Variants in DUSP16 observed in about 807,000 individuals in gnomAD.
DUSP16 encodes the protein dual specificity phosphatase 16.
In DUSP16, 21 loss-of-function variants were observed where a neutral mutation model predicts 58.3. The ratio of observed to expected loss-of-function variants is 0.36; its 90% CI spans 0.26 to 0.52. The LOEUF is 0.52. Ranked by LOEUF, DUSP16 falls within the 20% of genes least tolerant of loss-of-function variation. DUSP16 has a pLI of 0.94. For synonymous variants in DUSP16, 320 were observed against 323.8 expected (o/e 0.99, Z 0.12); for missense variants, 726 against 819.0 (o/e 0.89, Z 1.39).
At chr12:12,481,400 G>C (rs574716471) in intron 5 of DUSP16, among the ~76,000 whole-genome samples, 2 of 152,216 alleles carry the variant, frequency 1.3e-5, no homozygotes, top group African/African-American at 4.8e-5. Flanking sequence ...ATAATTACAT[G>C]TGTGCTCAGT....
chr12:12,551,962 G>C (rs928275406), intron 1 of DUSP16, among the ~76,000 whole-genome samples: 2 of 152,128 alleles, frequency 1.3e-5, no homozygotes, highest in African/African-American at 4.8e-5. Flanking sequence ...AAAGTGCTGG[G>C]ATTACAGGCG....
At chr12:12,492,737 C>A (rs1421805662) in intron 4 of DUSP16, among the ~76,000 whole-genome samples, 1 of 152,044 alleles carries the variant, frequency 6.6e-6, no homozygotes, top group Admixed American at 6.6e-5. Flanking sequence ...AGGCTTTCAC[C>A]CCCAACACTC....
At chr12:12,542,619 C>A (rs1034306141) in intron 1 of DUSP16, among the ~76,000 whole-genome samples, 5 of 151,454 alleles carry the variant, frequency 3.3e-5, no homozygotes, top group Non-Finnish European at 4.4e-5. Flanking sequence ...ACGAATTTTA[C>A]GACTGAAATT....
chr12:12,482,887 A>G (rs2136192259), intron 5 of DUSP16, among the ~76,000 whole-genome samples: 1 of 152,094 alleles, frequency 6.6e-6, no homozygotes, highest in Middle Eastern at 3.4e-3. Context: ...ATTTTTGAAA[A>G]TTTTTTGTAG....
intron 3 of DUSP16, among the ~76,000 whole-genome samples, chr12:12,507,044 TG>T (rs1263178583): frequency 6.6e-6 from 1 of 152,110 alleles, no homozygotes; most frequent in Non-Finnish European, 1.5e-5. Flanking sequence ...CATTCCATTT[TG>T]GGGGGGAAAA....
intron 1 of DUSP16, among the ~76,000 whole-genome samples, chr12:12,537,370 T>C (rs1944482720): frequency 6.6e-6 from 1 of 152,178 alleles, no homozygotes; most frequent in Admixed American, 6.5e-5. Flanking sequence ...TGCTACAAGG[T>C]AAAAGACATT....
At chr12:12,484,235 GA>G (rs1469551977) in intron 5 of DUSP16, among the ~76,000 whole-genome samples, 1 of 152,144 alleles carries the variant, frequency 6.6e-6, no homozygotes, top group Non-Finnish European at 1.5e-5. Flanking sequence ...ACTTGGGTGG[GA>G]TAAGGATGAT....
rs1053124962 is a variant in DUSP16, at chr12:12,514,146, G to A, written c.367+5716C>T. Reference sequence around the variant, plus strand: ...ATACAATCCTCATAATAAGGCAAGCGTTATTATCTCTTTTTAGGAGCTGAA... The same window carrying A: ...ATACAATCCTCATAATAAGGCAAGCATTATTATCTCTTTTTAGGAGCTGAA... On this transcript the variant is annotated intron_variant, in intron 3 of 6. Transcript: ENST00000298573. Among the ~76,000 whole-genome samples the A allele has an allele frequency of 5.3e-5, 8 of 152,176 alleles. No individual in the cohort carries two copies. The East Asian group carries it at 7.7e-4, about 15-fold the overall frequency.
At chr12:12,531,943 G>C (rs981014426) in intron 1 of DUSP16, among the ~76,000 whole-genome samples, 2 of 152,010 alleles carry the variant, frequency 1.3e-5, no homozygotes, top group Non-Finnish European at 2.9e-5. Flanking sequence ...TGGATCATGA[G>C]GTCAGGAGAT....
intron 1 of DUSP16, among the ~76,000 whole-genome samples, chr12:12,559,948 G>C (rs753560006): frequency 4.6e-5 from 7 of 152,114 alleles, no homozygotes; most frequent in African/African-American, 1.7e-4. Context: ...CGGGGTAACA[G>C]TGTCTCCTCT....
intron 4 of DUSP16, among the ~76,000 whole-genome samples, chr12:12,497,351 G>T (rs1012346586): frequency 1.3e-5 from 2 of 152,270 alleles, no homozygotes; most frequent in Non-Finnish European, 1.5e-5. Context: ...ATAGACTTAA[G>T]ATTTCAGTCC....
chr12:12,520,806 A>G, intron 2 of DUSP16, 65 bp downstream of exon 2: 1 of 1,565,680 alleles, frequency 6.4e-7, no homozygotes, highest in Non-Finnish European at 8.7e-7. Flanking sequence ...AGGAGGCTTC[A>G]ATTAAAATTA....
At chr12:12,521,680 A>G (rs1350040129) in intron 1 of DUSP16, among the ~76,000 whole-genome samples, 1 of 152,246 alleles carries the variant, frequency 6.6e-6, no homozygotes, top group Non-Finnish European at 1.5e-5. Flanking sequence ...CAAAATGTAA[A>G]AACTCAAAGA....
chr12:12,479,809 G>A (rs1943528231), intron 6 of DUSP16, among the ~76,000 whole-genome samples: 1 of 152,186 alleles, frequency 6.6e-6, no homozygotes, highest in Non-Finnish European at 1.5e-5. Flanking sequence ...TTGCATTTAT[G>A]AGGCTTTTTC....
At chr12:12,527,580 C>T (rs1944323998) in intron 1 of DUSP16, among the ~76,000 whole-genome samples, 1 of 152,064 alleles carries the variant, frequency 6.6e-6, no homozygotes, top group Admixed American at 6.6e-5. Context: ...TGCACATGTA[C>T]CCCAGAACTT....
At chr12:12,488,199 C>T (rs573345992) in intron 4 of DUSP16, among the ~76,000 whole-genome samples, 7 of 152,264 alleles carry the variant, frequency 4.6e-5, no homozygotes, top group East Asian at 1.9e-4. Context: ...TCTGTTCACA[C>T]GATTCCTGTG....
rs897798208 is a variant in DUSP16 at position 12,500,810 on chromosome 12, G to T, written c.368-128C>A. 9.9e-6 allele frequency: 8 copies of T among 808,940 alleles called. No homozygotes were observed. The African/African-American group carries it at 1.4e-4, about 14-fold the overall frequency. 50.1% of individuals were successfully genotyped at this position (808,940 alleles called of 1,614,324 possible). A position where few individuals can be genotyped will look rare whatever the true frequency, so the allele number is the denominator to read the frequency against. Reference sequence around the variant, plus strand: ...GGATATCACTGCACACCTATTCCTGGCTACAGCTGCTGATGCTAAGACTGA... The same window carrying T: ...GGATATCACTGCACACCTATTCCTGTCTACAGCTGCTGATGCTAAGACTGA... On this transcript the variant is annotated intron_variant, in intron 3 of 6. Coordinates refer to ENST00000298573, the MANE Select transcript of DUSP16 (RefSeq NM_030640.3).
At chr12:12,561,555 C>G (rs1944903864) in intron 1 of DUSP16, among the ~76,000 whole-genome samples, 1 of 152,194 alleles carries the variant, frequency 6.6e-6, no homozygotes, top group Admixed American at 6.5e-5. Flanking sequence ...ACGCCAAGAC[C>G]CGAGCCCCTG....
chr12:12,499,584 G>A (rs1943881085), intron 4 of DUSP16, among the ~76,000 whole-genome samples: 2 of 152,160 alleles, frequency 1.3e-5, no homozygotes, highest in South Asian at 4.1e-4. Context: ...AGGTGCTAAA[G>A]AAAGCCAGTC....
Sources: gnomAD v4.1 joint callset for allele counts (sites outside exome capture counted in the v4.1 genomes callset) on GRCh38, gnomAD v4.1.1 for gene constraint, MANE v1.5 for transcripts, NCBI Gene and HGNC (gene_info 2026-07-23, HGNC 2026-07-21) for gene names.